Variants in SFMBT1 observed in about 807,000 individuals in gnomAD.
SFMBT1 encodes the protein Scm like with four mbt domains 1, also known as scm-like with four MBT domains protein 1.
SFMBT1 carries 32 observed loss-of-function variants against 108.7 expected under a neutral mutation model. The observed-to-expected ratio is 0.29, with a 90% CI of 0.22 to 0.40. The LOEUF (loss-of-function observed/expected upper bound fraction) is 0.40, where lower values mean the gene tolerates loss of function less well. Among genes scored for constraint, SFMBT1 ranks in the 10% least tolerant of loss-of-function variants. The pLI is 1.00. For missense variants in SFMBT1, 816 were observed against 1,059.6 expected (o/e 0.77, Z 3.19); for synonymous variants, 348 against 369.5 (o/e 0.94, Z 0.67).
intron 1 of SFMBT1, among the ~76,000 whole-genome samples, chr3:52,981,010 A>T (rs1704691871): frequency 6.6e-6 from 1 of 152,122 alleles, no homozygotes; most frequent in Admixed American, 6.5e-5. Context: ...TAAAAATACA[A>T]AATTAGCCGG....
intron 1 of SFMBT1, among the ~76,000 whole-genome samples, chr3:53,016,168 A>C (rs1157197839): frequency 2.6e-5 from 4 of 151,962 alleles, no homozygotes; most frequent in Non-Finnish European, 5.9e-5. Flanking sequence ...AAAAAAAAAA[A>C]CAAAACCCAG....
chr3:52,937,133 G>A (rs971169274), intron 4 of SFMBT1, among the ~76,000 whole-genome samples: 2 of 151,970 alleles, frequency 1.3e-5, no homozygotes, highest in Non-Finnish European at 2.9e-5. Flanking sequence ...GAGCCACCAC[G>A]CCCGGCCACA....
intron 1 of SFMBT1, among the ~76,000 whole-genome samples, chr3:53,029,672 T>G (rs1699615751): frequency 6.6e-6 from 1 of 152,228 alleles, no homozygotes; most frequent in Non-Finnish European, 1.5e-5. Context: ...CAGCATACAT[T>G]CAGGCCTTAG....
chr3:52,966,178 G>C (rs191034583), intron 2 of SFMBT1, among the ~76,000 whole-genome samples: 1 of 147,958 alleles, frequency 6.8e-6, no homozygotes, highest in East Asian at 2.0e-4. Context: ...TTTGCCGGGC[G>C]TGGTGGCGGG....
chr3:52,910,297 T>A (rs575639704), intron 17 of SFMBT1, among the ~76,000 whole-genome samples: 13 of 152,274 alleles, frequency 8.5e-5, no homozygotes, highest in African/African-American at 3.1e-4. Context: ...TAGAGCAGCA[T>A]AAGCACACAA....
At chr3:53,023,434 C>T (rs1699379714) in intron 1 of SFMBT1, among the ~76,000 whole-genome samples, 1 of 152,210 alleles carries the variant, frequency 6.6e-6, no homozygotes, top group African/African-American at 2.4e-5. Flanking sequence ...TCTAAGATCT[C>T]ACTCTGTGTT....
Position 52,905,679 on chromosome 3 carries a change from T to C in SFMBT1, c.2461-403A>G, listed in dbSNP as rs141171792. On this transcript the variant is annotated intron_variant, in intron 20 of 20. Transcript: ENST00000394752. ...CTCTGTAACATTCATAAAAACCCGA[T>C]AAGCTCTTGAATCTCCCTAATTTTC... Among the ~76,000 whole-genome samples, 60 of 152,350 alleles carry C rather than the reference T, an allele frequency of 3.9e-4. 2 individuals are homozygous for C. The East Asian group carries it at 0.01, about 26-fold the overall frequency.
rs532234681 is a variant in SFMBT1 at position 52,927,901 on chromosome 3, G to GCA, written c.1048+288_1048+289dup. ...AGACATAAAAGGGACTAAGGAGCCA[G>GCA]CACGAACCCAGGTTGGAACCTGGTT... On this transcript the variant is annotated intron_variant, in intron 9 of 20. Transcript: ENST00000394752. Among the ~76,000 whole-genome samples the GCA allele has an allele frequency of 9.4e-4, 143 of 152,304 alleles. 1 individual carries two copies. Among genetic ancestry groups the GCA allele is most frequent in the African/African-American group, 3.3e-3 (138 of 41,562 alleles).
intron 1 of SFMBT1, among the ~76,000 whole-genome samples, chr3:52,996,139 GA>G (rs1183936112): frequency 7.2e-6 from 1 of 138,804 alleles, no homozygotes; most frequent in Non-Finnish European, 1.6e-5. Context: ...GGCTTAAAAA[GA>G]AATTTTTTTG....
chr3:52,932,909 T>G (rs1702898140), intron 5 of SFMBT1, among the ~76,000 whole-genome samples: 1 of 152,142 alleles, frequency 6.6e-6, no homozygotes, highest in African/African-American at 2.4e-5. Context: ...AGATTCTGTC[T>G]TTATAAAAAA....
chr3:52,994,658 C>A (rs561080949), intron 1 of SFMBT1, among the ~76,000 whole-genome samples: 6 of 150,268 alleles, frequency 4.0e-5, no homozygotes, highest in South Asian at 2.1e-4. Context: ...CACCATCACG[C>A]CCAGCTAATT....
intron 1 of SFMBT1, among the ~76,000 whole-genome samples, chr3:52,983,930 A>G (rs1450571090): frequency 6.6e-6 from 1 of 152,220 alleles, no homozygotes. Flanking sequence ...CTCTGCAGCT[A>G]TGTGAGAAGA....
At chr3:52,906,442 G>A (rs917222699) in intron 19 of SFMBT1, among the ~76,000 whole-genome samples, 1 of 152,146 alleles carries the variant, frequency 6.6e-6, no homozygotes, top group African/African-American at 2.4e-5. Flanking sequence ...AAGTATCAAT[G>A]GGAAAGAATT....
At chr3:52,909,519 T>C (rs1702167215) in intron 17 of SFMBT1, among the ~76,000 whole-genome samples, 2 of 152,194 alleles carry the variant, frequency 1.3e-5, no homozygotes, top group Non-Finnish European at 2.9e-5. Context: ...ATAGCATCAG[T>C]GGCATCTGGG....
intron 1 of SFMBT1, among the ~76,000 whole-genome samples, chr3:52,986,069 G>A (rs1341559981): frequency 2.6e-5 from 4 of 151,810 alleles, no homozygotes; most frequent in East Asian, 1.9e-4. Context: ...CTTGAACCTG[G>A]GAGGTGGAGG....
intron 2 of SFMBT1, among the ~76,000 whole-genome samples, chr3:52,957,596 G>C (rs1703822435): frequency 6.6e-6 from 1 of 152,138 alleles, no homozygotes; most frequent in Non-Finnish European, 1.5e-5. Flanking sequence ...CATGATACTT[G>C]TACAAAAACA....
chr3:53,016,156 TGA>T (rs1699117746), intron 1 of SFMBT1, among the ~76,000 whole-genome samples: 2 of 139,048 alleles, frequency 1.4e-5, no homozygotes, highest in African/African-American at 2.6e-5. Context: ...AAGGACAAAG[TGA>T]AAAAAAAAAA....
intron 1 of SFMBT1, among the ~76,000 whole-genome samples, chr3:53,008,821 G>A (rs1023479167): frequency 6.6e-6 from 1 of 151,972 alleles, no homozygotes; most frequent in Non-Finnish European, 1.5e-5. Context: ...ATTTTTAGTA[G>A]AGACGGGGTT....
intron 1 of SFMBT1, among the ~76,000 whole-genome samples, chr3:53,025,718 T>C (rs1014038333): frequency 6.6e-6 from 1 of 152,226 alleles, no homozygotes; most frequent in Non-Finnish European, 1.5e-5. Context: ...ACATACTTCA[T>C]CTTTGCCTTG....
Sources: gnomAD v4.1 joint callset for allele counts (sites outside exome capture counted in the v4.1 genomes callset) on GRCh38, gnomAD v4.1.1 for gene constraint, MANE v1.5 for transcripts, NCBI Gene and HGNC (gene_info 2026-07-23, HGNC 2026-07-21) for gene names.